CHST8: variants seen among roughly 807,000 people sequenced by gnomAD.
CHST8 encodes carbohydrate sulfotransferase 8.
In CHST8, 10 loss-of-function variants were observed where a neutral mutation model predicts 15.0. The ratio of observed to expected loss-of-function variants is 0.67; its 90% confidence interval spans 0.41 to 1.13. CHST8 has a LOEUF of 1.13. CHST8 is among the 50% of genes most tolerant of loss of function. The pLI, the probability that CHST8 is intolerant of heterozygous loss-of-function variation, is 0.00. For synonymous variants in CHST8, 259 were observed against 256.6 expected (o/e 1.01, Z -0.09); for missense variants, 634 against 608.2 (o/e 1.04, Z -0.45).
chr19:33,719,679 G>C (rs1338421311), intron 3 of CHST8, among the ~76,000 whole-genome samples: 1 of 151,840 alleles, frequency 6.6e-6, no homozygotes, highest in East Asian at 1.9e-4. Flanking sequence ...CAGGCTGTCT[G>C]GGTCCAGGGA....
intron 3 of CHST8, among the ~76,000 whole-genome samples, chr19:33,763,737 T>G (rs539021690): frequency 1.1e-4 from 16 of 152,328 alleles, no homozygotes; most frequent in African/African-American, 3.4e-4. Context: ...CAGTTTTGCA[T>G]CTAATTTGCA....
rs142490883 is a variant in CHST8, at chr19:33,686,873, G to A, written c.-86-2303G>A. On this transcript the variant is annotated intron_variant, in intron 2 of 4. Transcript: ENST00000650847. ...GGCATGTATGCATATGTGTGTTATT[G>A]AACCCGCGTCTGCTTAGGTCCGTGG... Among the ~76,000 whole-genome samples, 789 of 152,336 alleles carry A rather than the reference G, an allele frequency of 5.2e-3. 6 individuals carry two copies. Among genetic ancestry groups the A allele is most frequent in the African/African-American group, 0.017 (711 of 41,578 alleles).
chr19:33,622,582 C>T (rs1407571936), intron 1 of CHST8, among the ~76,000 whole-genome samples: 1 of 152,194 alleles, frequency 6.6e-6, no homozygotes, highest in Non-Finnish European at 1.5e-5. Flanking sequence ...CTCGGGCCCT[C>T]TTGGTCCCTG....
At chr19:33,736,024 A>G (rs1424759211) in intron 3 of CHST8, among the ~76,000 whole-genome samples, 2 of 152,210 alleles carry the variant, frequency 1.3e-5, no homozygotes, top group African/African-American at 2.4e-5. Context: ...CTTCAGCCCA[A>G]CGATGCTAAG....
intron 3 of CHST8, among the ~76,000 whole-genome samples, chr19:33,718,626 A>G (rs1473940772): frequency 1.3e-5 from 2 of 152,096 alleles, no homozygotes; most frequent in Non-Finnish European, 2.9e-5. Flanking sequence ...CTTCATTACC[A>G]TGGGCCCCTC....
chr19:33,712,164 C>T (rs1973565213), intron 3 of CHST8, among the ~76,000 whole-genome samples: 1 of 152,200 alleles, frequency 6.6e-6, no homozygotes, highest in Admixed American at 6.5e-5. Context: ...CTGGCCTCTG[C>T]ACTGACCCCT....
In CHST8 at chr19:33,636,943, A is replaced by G. The variant is rs557029265; in HGVS notation, c.-164+14647A>G. Among the ~76,000 whole-genome samples, 3 of 152,336 alleles carry G rather than the reference A, an allele frequency of 2.0e-5. No homozygotes were observed. The East Asian group carries it at 5.8e-4, about 29-fold the overall frequency. ...AAAGGAATAAAAGAATGGCTACTCC[A>G]TAGACACAGCAGCCCCCAACCACTG... On this transcript the variant is annotated intron_variant, in intron 1 of 4. Transcript: ENST00000650847.
At chr19:33,716,574 C>T (rs1007582829) in intron 3 of CHST8, among the ~76,000 whole-genome samples, 4 of 152,122 alleles carry the variant, frequency 2.6e-5, no homozygotes, top group Non-Finnish European at 5.9e-5. Context: ...TACTCTGTTG[C>T]CCAGGCTGAT....
At chr19:33,721,246 C>A (rs1036910738) in intron 3 of CHST8, among the ~76,000 whole-genome samples, 5 of 152,184 alleles carry the variant, frequency 3.3e-5, no homozygotes, top group African/African-American at 1.2e-4. Flanking sequence ...TTTGCCTTGA[C>A]ACCAGAAGAT....
intron 1 of CHST8, among the ~76,000 whole-genome samples, chr19:33,626,018 G>T (rs533613962): frequency 2.0e-5 from 3 of 152,204 alleles, no homozygotes; most frequent in African/African-American, 7.2e-5. Flanking sequence ...CATATTCAGG[G>T]CTCATCTGAC....
At chr19:33,743,259 C>T (rs1314492910) in intron 3 of CHST8, among the ~76,000 whole-genome samples, 2 of 148,580 alleles carry the variant, frequency 1.3e-5, no homozygotes, top group Non-Finnish European at 3.0e-5. Context: ...CTTTGGGAGC[C>T]TTTTGATCTC....
At chr19:33,639,511 C>T (rs934198972) in intron 1 of CHST8, among the ~76,000 whole-genome samples, 1 of 152,056 alleles carries the variant, frequency 6.6e-6, no homozygotes, top group Non-Finnish European at 1.5e-5. Flanking sequence ...TGCCAGGTTG[C>T]GGCAGAAAAA....
intron 1 of CHST8, among the ~76,000 whole-genome samples, chr19:33,649,617 T>C (rs935260805): frequency 3.9e-5 from 6 of 152,198 alleles, no homozygotes; most frequent in East Asian, 3.9e-4. Flanking sequence ...GTTACATGCG[T>C]CCCATGTTTA....
At chr19:33,750,936 C>A (rs551531195) in intron 3 of CHST8, among the ~76,000 whole-genome samples, 1 of 151,566 alleles carries the variant, frequency 6.6e-6, no homozygotes, top group Admixed American at 6.6e-5. Context: ...CCCAGCCAAG[C>A]CAGGGAGGGC....
At chr19:33,722,382 G>T (rs1188940364) in intron 3 of CHST8, among the ~76,000 whole-genome samples, 1 of 152,194 alleles carries the variant, frequency 6.6e-6, no homozygotes, top group African/African-American at 2.4e-5. Context: ...CAGACGGATG[G>T]GTAGGTACAT....
chr19:33,636,368 T>C (rs1322711121), intron 1 of CHST8, among the ~76,000 whole-genome samples: 1 of 152,198 alleles, frequency 6.6e-6, no homozygotes, highest in Non-Finnish European at 1.5e-5. Flanking sequence ...TAAATCGCCC[T>C]TGCCTTGACT....
intron 3 of CHST8, among the ~76,000 whole-genome samples, chr19:33,763,468 A>T (rs902849748): frequency 2.3e-4 from 35 of 152,284 alleles, no homozygotes; most frequent in African/African-American, 8.4e-4. Flanking sequence ...AGGGCCCAGG[A>T]ACAGCCGGCT....
At chr19:33,699,291 A>G (rs1427266392) in intron 3 of CHST8, among the ~76,000 whole-genome samples, 1 of 152,064 alleles carries the variant, frequency 6.6e-6, no homozygotes, top group East Asian at 1.9e-4. Flanking sequence ...GGGAGCTCAC[A>G]ATCTGTGGGG....
chr19:33,743,270 T>C (rs1009706823), intron 3 of CHST8, among the ~76,000 whole-genome samples: 1 of 152,022 alleles, frequency 6.6e-6, no homozygotes, highest in Non-Finnish European at 1.5e-5. Flanking sequence ...TTTTGATCTC[T>C]TCCTGCACTA....
Sources: allele counts gnomAD v4.1 joint callset (sites outside exome capture counted in the v4.1 genomes callset), GRCh38; gene constraint gnomAD v4.1.1; transcripts MANE v1.5; gene names NCBI Gene and HGNC (gene_info 2026-07-23, HGNC 2026-07-21).